Variants in NOL10 observed in about 807,000 individuals in gnomAD.
NOL10 encodes H_NH0074G24.1.
NOL10 carries 58 observed loss-of-function variants against 103.5 expected under a neutral mutation model. The observed-to-expected ratio is 0.56, with a 90% CI of 0.45 to 0.70. NOL10 has a LOEUF of 0.70. Ranked by LOEUF, NOL10 falls within the 30% of genes least tolerant of loss-of-function variation. NOL10 has a pLI of 0.00. For synonymous variants in NOL10, 287 were observed against 282.5 expected (o/e 1.02, Z -0.16); for missense variants, 763 against 807.3 (o/e 0.95, Z 0.67).
chr2:10,592,838 T>C (rs1194968531), intron 17 of NOL10, among the ~76,000 whole-genome samples: 1 of 152,044 alleles, frequency 6.6e-6, no homozygotes, highest in African/African-American at 2.4e-5. Flanking sequence ...TCCCTCAGGG[T>C]TTTTTCCTAG....
intron 13 of NOL10, among the ~76,000 whole-genome samples, chr2:10,631,494 GA>G (rs5829272): frequency 1.5e-3 from 224 of 151,772 alleles, no homozygotes; most frequent in Middle Eastern, 3.4e-3. Flanking sequence ...ATTTTTATAG[GA>G]AAAAAAAGTT....
chr2:10,590,448 G>A (rs1350213301), intron 17 of NOL10, among the ~76,000 whole-genome samples: 1 of 152,176 alleles, frequency 6.6e-6, no homozygotes, highest in Non-Finnish European at 1.5e-5. Flanking sequence ...CTTAAAATAA[G>A]CAATTCTTTC....
At chr2:10,610,694 C>T (rs1244429839) in intron 13 of NOL10, among the ~76,000 whole-genome samples, 1 of 152,226 alleles carries the variant, frequency 6.6e-6, no homozygotes, top group African/African-American at 2.4e-5. Context: ...ACAGGCACGT[C>T]ACACTCTCTG....
intron 12 of NOL10, among the ~76,000 whole-genome samples, chr2:10,645,116 C>T (rs573698971): frequency 6.6e-6 from 1 of 152,270 alleles, no homozygotes; most frequent in South Asian, 2.1e-4. Context: ...CATACAACAA[C>T]CCTCTCAAAG....
intron 13 of NOL10, among the ~76,000 whole-genome samples, chr2:10,618,802 G>A (rs987496705): frequency 1.3e-5 from 2 of 152,156 alleles, no homozygotes; most frequent in Non-Finnish European, 2.9e-5. Flanking sequence ...TTTTCAAAGG[G>A]AGGTGACAGG....
intron 3 of NOL10, 86 bp from the exon 4 acceptor site, chr2:10,675,957 G>T: frequency 1.6e-6 from 1 of 625,018 alleles, no homozygotes; most frequent in Non-Finnish European, 2.7e-6. Context: ...TTCTTGTTCA[G>T]AGACAGGCAG....
intron 17 of NOL10, among the ~76,000 whole-genome samples, chr2:10,596,166 C>A (rs1675678533): frequency 6.9e-6 from 1 of 145,556 alleles, no homozygotes. Context: ...GGGTTCCTAA[C>A]CACAGAATAC....
At chr2:10,604,195 G>A (rs963199174) in intron 14 of NOL10, among the ~76,000 whole-genome samples, 6 of 152,192 alleles carry the variant, frequency 3.9e-5, no homozygotes. Flanking sequence ...CTCCTGCTGT[G>A]TGGCCCGGTT....
intron 1 of NOL10, 118 bp from the exon 2 acceptor site, chr2:10,684,730 A>G: frequency 1.5e-6 from 1 of 686,318 alleles, no homozygotes; most frequent in Non-Finnish European, 2.4e-6. Context: ...TATATAACAT[A>G]GGAAGCAAAA....
intron 19 of NOL10, among the ~76,000 whole-genome samples, chr2:10,587,254 TATACACATATATATATATA>T (rs1675149245): frequency 2.5e-5 from 1 of 39,758 alleles, no homozygotes; most frequent in African/African-American, 1.1e-4. Flanking sequence ...CATATATATA[TATACACATATATATATATA>T]TATTTTTTTT....
intron 7 of NOL10, among the ~76,000 whole-genome samples, chr2:10,667,600 A>T (rs2148334821): frequency 6.6e-6 from 1 of 152,350 alleles, no homozygotes; most frequent in South Asian, 2.1e-4. Flanking sequence ...CAAGGCAGGT[A>T]ACATTCTTAA....
At chr2:10,637,423 A>C (rs1678338132) in intron 13 of NOL10, among the ~76,000 whole-genome samples, 1 of 152,084 alleles carries the variant, frequency 6.6e-6, no homozygotes, top group South Asian at 2.1e-4. Context: ...ACAACCCCTA[A>C]AATTCTGCAG....
chr2:10,579,172 A>T (rs1045000061), intron 19 of NOL10, among the ~76,000 whole-genome samples: 4 of 152,358 alleles, frequency 2.6e-5, no homozygotes, highest in Middle Eastern at 3.4e-3. Flanking sequence ...TACTAAACAT[A>T]CCTTCTTTAT....
intron 19 of NOL10, among the ~76,000 whole-genome samples, chr2:10,580,421 C>T (rs1048628439): frequency 7.1e-6 from 1 of 140,176 alleles, no homozygotes; most frequent in Non-Finnish European, 1.5e-5. Context: ...TACTTTAGGT[C>T]TGACAGCCAT....
intron 3 of NOL10, among the ~76,000 whole-genome samples, chr2:10,677,742 G>T (rs920697725): frequency 3.3e-5 from 5 of 151,972 alleles, no homozygotes; most frequent in African/African-American, 4.8e-5. Context: ...CAAAGTGCTG[G>T]AATTACAGGC....
chr2:10,679,717 A>C (rs57464659), intron 3 of NOL10, among the ~76,000 whole-genome samples: 3,221 of 152,052 alleles, frequency 0.021, 132 homozygotes, highest in African/African-American at 0.073. Context: ...CCTCCGCCAC[A>C]TGGGTTCAAG....
intron 13 of NOL10, among the ~76,000 whole-genome samples, chr2:10,629,438 T>A (rs1188982484): frequency 4.6e-5 from 7 of 152,054 alleles, no homozygotes; most frequent in Non-Finnish European, 1.5e-5. Flanking sequence ...AAAAACAAGA[T>A]AAGAAACCAT....
intron 13 of NOL10, among the ~76,000 whole-genome samples, chr2:10,621,239 G>C (rs952739746): frequency 2.0e-5 from 3 of 152,160 alleles, no homozygotes; most frequent in African/African-American, 7.2e-5. Context: ...GGAAAAGAAA[G>C]TGATGAAGTT....
intron 13 of NOL10, among the ~76,000 whole-genome samples, chr2:10,622,480 G>C: frequency 9.5e-6 from 1 of 105,484 alleles, no homozygotes. Flanking sequence ...TTTAGTTAGA[G>C]CGTTTTTCAA....
Sources: allele counts gnomAD v4.1 joint callset (sites outside exome capture counted in the v4.1 genomes callset), GRCh38; gene constraint gnomAD v4.1.1; transcripts MANE v1.5; gene names NCBI Gene and HGNC (gene_info 2026-07-23, HGNC 2026-07-21).